Variants in HMBOX1 observed in about 807,000 individuals in gnomAD.
The protein encoded by HMBOX1 is homeobox containing 1.
Under a neutral mutation model 54.5 loss-of-function variants are expected in HMBOX1, and 14 were observed. That is an observed-to-expected ratio of 0.26 (90% CI 0.17 to 0.40). The LOEUF (loss-of-function observed/expected upper bound fraction) is 0.40. HMBOX1 is among the 10% of genes least tolerant of loss of function. The pLI, the probability that HMBOX1 is intolerant of heterozygous loss-of-function variation, is 1.00. For synonymous variants in HMBOX1, 160 were observed against 181.0 expected (o/e 0.88, Z 0.93); for missense variants, 332 against 514.4 (o/e 0.65, Z 3.43).
At chr8:28,918,031 C>G (rs1263520320) in intron 1 of HMBOX1, among the ~76,000 whole-genome samples, 1 of 152,030 alleles carries the variant, frequency 6.6e-6, no homozygotes, top group Non-Finnish European at 1.5e-5. Flanking sequence ...GAAATTCTTT[C>G]TTCTCTTCTA....
chr8:28,949,042 G>C (rs1239808705), intron 1 of HMBOX1, among the ~76,000 whole-genome samples: 1 of 152,178 alleles, frequency 6.6e-6, no homozygotes, highest in African/African-American at 2.4e-5. Flanking sequence ...AGTTCTATGA[G>C]TAAACTTTAA....
chr8:28,973,803 GTTTTTTTTTTTT>G lies in HMBOX1; in HGVS notation c.500+3304_500+3315del, dbSNP rs71222583. On this transcript the variant is annotated intron_variant, in intron 3 of 9. Coordinates refer to ENST00000287701, the MANE Select transcript of HMBOX1 (RefSeq NM_001135726.3). ...TAATAATTTCGAGATACATAATGGAGTTTTTTTTTTTTTTTTTTTTTTTTTTTTTTTGAGACA... is the reference window on the plus strand; with the variant it reads ...TAATAATTTCGAGATACATAATGGAGTTTTTTTTTTTTTTTTTTTGAGACA... Among the ~76,000 whole-genome samples, 243 of 72,660 alleles carry G rather than the reference GTTTTTTTTTTTT, an allele frequency of 3.3e-3. 4 individuals are homozygous for G. The highest frequency in any genetic ancestry group is 0.016 in the South Asian group (21 of 1,302). 47.7% of individuals were successfully genotyped at this position (72,660 alleles called of 152,430 possible). A position where few individuals can be genotyped will look rare whatever the true frequency, so the allele number is the denominator to read the frequency against.
At chr8:28,947,119 A>G (rs994323560) in intron 1 of HMBOX1, among the ~76,000 whole-genome samples, 2 of 152,150 alleles carry the variant, frequency 1.3e-5, no homozygotes, top group African/African-American at 4.8e-5. Context: ...ATGTTCCACA[A>G]CTCAGATGGA....
chr8:28,976,269 A>T (rs765094371), intron 3 of HMBOX1, among the ~76,000 whole-genome samples: 1 of 152,220 alleles, frequency 6.6e-6, no homozygotes, highest in Non-Finnish European at 1.5e-5. Context: ...GTATTTTTAC[A>T]ATTTAAAAAA....
At chr8:28,898,016 C>T (rs1812498461) in intron 1 of HMBOX1, among the ~76,000 whole-genome samples, 1 of 152,162 alleles carries the variant, frequency 6.6e-6, no homozygotes, top group African/African-American at 2.4e-5. Context: ...GTTGGTTATA[C>T]TTTGCTGCCC....
At chr8:29,025,664 T>C (rs1801905273) in intron 6 of HMBOX1, among the ~76,000 whole-genome samples, 1 of 152,148 alleles carries the variant, frequency 6.6e-6, no homozygotes, top group Non-Finnish European at 1.5e-5. Flanking sequence ...AAATGGAGAT[T>C]TGGGAGTCAT....
At chr8:28,964,436 T>C (rs908947131) in intron 2 of HMBOX1, among the ~76,000 whole-genome samples, 1 of 152,042 alleles carries the variant, frequency 6.6e-6, no homozygotes, top group East Asian at 1.9e-4. Flanking sequence ...GTGTTGAGAG[T>C]GTTTTTGTGC....
At chr8:28,973,614 G>A (rs962903821) in intron 3 of HMBOX1, among the ~76,000 whole-genome samples, 3 of 151,956 alleles carry the variant, frequency 2.0e-5, no homozygotes, top group Non-Finnish European at 4.4e-5. Flanking sequence ...ATGATAGCCC[G>A]TTGGAAGTGG....
chr8:28,903,021 G>A (rs1349558046), intron 1 of HMBOX1, among the ~76,000 whole-genome samples: 2 of 152,112 alleles, frequency 1.3e-5, no homozygotes, highest in Admixed American at 6.5e-5. Context: ...GTGTCAGCAC[G>A]TAAAGACATA....
At chr8:29,048,100 C>T (rs1317423754) in intron 8 of HMBOX1, among the ~76,000 whole-genome samples, 1 of 151,938 alleles carries the variant, frequency 6.6e-6, no homozygotes, top group African/African-American at 2.4e-5. Context: ...GAATGTAATA[C>T]CCAGAATTTC....
At position 28,960,755 on chromosome 8, in the gene HMBOX1, TTTTCTTTTTC is replaced by T. The variant is rs1308119572; in HGVS notation, c.-57-3052_-57-3043del. Among the ~76,000 whole-genome samples, 68 of 17,688 alleles carry T rather than the reference TTTTCTTTTTC, an allele frequency of 3.8e-3. 3 individuals are homozygous for T. The highest frequency in any genetic ancestry group is 0.012 in the East Asian group (4 of 346). 11.6% of individuals were successfully genotyped at this position (17,688 alleles called of 152,430 possible). ...AATTGTAAACTTATTCTCTTTTTCT[TTTTCTTTTTC>T]TTTTTTTTTTTTTTTTTTTTTTTTT... On this transcript the variant is annotated intron_variant, in intron 1 of 9. Transcript: ENST00000287701.
At position 29,049,124 on chromosome 8, in the gene HMBOX1, T is replaced by A. The variant is rs1183892426; in HGVS notation, c.1125+76T>A. ...TAGTGGGACAGCTTAGTTCCTTGGG[T>A]GTGGCTGATGGGGTGGGGGAGGGGA... On this transcript the variant is annotated intron_variant, in intron 9 of 9. Transcript: ENST00000287701. 4.7e-6 allele frequency: 7 copies of A among 1,492,638 alleles called. No individual in the cohort carries two copies. In the East Asian group the frequency reaches 1.6e-4, roughly 34 times the overall value. 92.5% of individuals were successfully genotyped at this position (1,492,638 alleles called of 1,614,324 possible).
At chr8:28,955,234 G>GT (rs1433214910) in intron 1 of HMBOX1, among the ~76,000 whole-genome samples, 1 of 151,342 alleles carries the variant, frequency 6.6e-6, no homozygotes, top group Non-Finnish European at 1.5e-5. Flanking sequence ...TTCTCAAGTT[G>GT]TTTTTTTTCT....
intron 5 of HMBOX1, among the ~76,000 whole-genome samples, chr8:29,014,559 A>G (rs550398503): frequency 6.6e-6 from 1 of 152,362 alleles, no homozygotes; most frequent in East Asian, 1.9e-4. Flanking sequence ...CTACATTGAA[A>G]AAGAAAAAGG....
At chr8:28,927,734 T>C (rs7813663) in intron 1 of HMBOX1, among the ~76,000 whole-genome samples, 150,954 of 151,358 alleles carry the variant, frequency 1, 75,276 homozygotes, top group Middle Eastern at 1. Flanking sequence ...GGAACAACTT[T>C]TATAAAAAAC....
At chr8:28,997,766 G>T (rs913845449) in intron 4 of HMBOX1, among the ~76,000 whole-genome samples, 1 of 152,066 alleles carries the variant, frequency 6.6e-6, no homozygotes, top group Non-Finnish European at 1.5e-5. Context: ...GCCCAGGCTG[G>T]TCTTGAACTC....
chr8:28,928,832 T>A (rs1431989544), intron 1 of HMBOX1, among the ~76,000 whole-genome samples: 1 of 152,148 alleles, frequency 6.6e-6, no homozygotes, highest in Non-Finnish European at 1.5e-5. Context: ...GTATGTAGAA[T>A]CTTTAGAAGT....
intron 4 of HMBOX1, among the ~76,000 whole-genome samples, chr8:28,995,930 G>A (rs1312155740): frequency 2.6e-5 from 4 of 151,872 alleles, no homozygotes; most frequent in East Asian, 1.9e-4. Flanking sequence ...GTGAAACCCC[G>A]TCTCTACTAA....
At chr8:28,982,562 A>G (rs146899251) in intron 4 of HMBOX1, among the ~76,000 whole-genome samples, 21 of 151,782 alleles carry the variant, frequency 1.4e-4, no homozygotes, top group Non-Finnish European at 2.5e-4. Context: ...TGATCTTCCT[A>G]TATCAGCCTC....
Sources: allele counts gnomAD v4.1 joint callset (sites outside exome capture counted in the v4.1 genomes callset), GRCh38; gene constraint gnomAD v4.1.1; transcripts MANE v1.5; gene names NCBI Gene and HGNC (gene_info 2026-07-23, HGNC 2026-07-21).